The following TLN2 variants were observed in gnomAD, a reference collection of about 807,000 sequenced individuals.
TLN2 encodes the protein talin-2.
In TLN2, 118 loss-of-function variants were observed where a neutral mutation model predicts 294.7. That is an observed-to-expected ratio of 0.40 (90% CI 0.34 to 0.47). The LOEUF (loss-of-function observed/expected upper bound fraction) is 0.47. TLN2 is among the 20% of genes least tolerant of loss of function. The pLI is 0.84. For missense variants in TLN2, 3,083 were observed against 3,282.2 expected, an observed-to-expected ratio of 0.94 and a Z score of 1.48; for synonymous variants, 1,431 against 1,304.5, an observed-to-expected ratio of 1.10 and a Z score of -2.09.
chr15:62,555,715 C>A (rs2042565267), intron 1 of TLN2, among the ~76,000 whole-genome samples: 2 of 152,082 alleles, frequency 1.3e-5, no homozygotes, highest in South Asian at 4.1e-4. Context: ...TTTTACTTTT[C>A]CCGGTATAAT....
At chr15:62,445,746 C>G (rs985829226) in intron 1 of TLN2, among the ~76,000 whole-genome samples, 1 of 152,032 alleles carries the variant, frequency 6.6e-6, no homozygotes, top group African/African-American at 2.4e-5. Context: ...TCACTGCACC[C>G]TCGACTTCCT....
intron 19 of TLN2, among the ~76,000 whole-genome samples, chr15:62,703,619 ACACGCGCG>A (rs1214788035): frequency 9.4e-6 from 1 of 106,890 alleles, no homozygotes; most frequent in Non-Finnish European, 2.0e-5. Flanking sequence ...ACACACACAC[ACACGCGCG>A]CACACACACA....
chr15:62,664,238 AAT>A (rs2054260107), intron 9 of TLN2, among the ~76,000 whole-genome samples: 1 of 151,946 alleles, frequency 6.6e-6, no homozygotes, highest in Non-Finnish European at 1.5e-5. Flanking sequence ...AGAAAAAAAA[AAT>A]CTAAGAAAAA....
intron 1 of TLN2, among the ~76,000 whole-genome samples, chr15:62,449,227 T>C (rs1170913173): frequency 6.6e-6 from 1 of 152,120 alleles, no homozygotes; most frequent in East Asian, 1.9e-4. Context: ...GTGAGTGGTA[T>C]GGGGAGGGGT....
At chr15:62,650,418 G>A (rs1421808353) in intron 5 of TLN2, among the ~76,000 whole-genome samples, 3 of 152,148 alleles carry the variant, frequency 2.0e-5, no homozygotes, top group Non-Finnish European at 2.9e-5. Context: ...TCTACTTGTC[G>A]TTGTTGGATT....
At chr15:62,775,436 C>G (rs1182974968) in intron 42 of TLN2, among the ~76,000 whole-genome samples, 1 of 152,146 alleles carries the variant, frequency 6.6e-6, no homozygotes, top group Non-Finnish European at 1.5e-5. Flanking sequence ...AGCTATCAAC[C>G]CAAATTACCA....
intron 42 of TLN2, among the ~76,000 whole-genome samples, chr15:62,771,508 T>G (rs917536288): frequency 2.0e-5 from 3 of 152,126 alleles, no homozygotes; most frequent in Admixed American, 1.3e-4. Context: ...TTCCTAACAC[T>G]TAAGAGACTG....
intron 1 of TLN2, among the ~76,000 whole-genome samples, chr15:62,584,442 A>C (rs148588195): frequency 6.6e-6 from 1 of 152,342 alleles, no homozygotes; most frequent in African/African-American, 2.4e-5. Context: ...GCAAAAAGGC[A>C]ACGTAGCATA....
intron 9 of TLN2, among the ~76,000 whole-genome samples, chr15:62,669,086 T>G (rs1011558941): frequency 2.0e-5 from 3 of 152,248 alleles, no homozygotes; most frequent in African/African-American, 7.2e-5. Flanking sequence ...TGAAGGAATT[T>G]AAAGACAACC....
At chr15:62,720,048 G>T (rs981122505) in intron 25 of TLN2, among the ~76,000 whole-genome samples, 168 bp downstream of exon 25, 2 of 152,256 alleles carry the variant, frequency 1.3e-5, no homozygotes, top group African/African-American at 2.4e-5. Flanking sequence ...GGTGGGTTCA[G>T]CTTGGCAAAG....
intron 1 of TLN2, among the ~76,000 whole-genome samples, chr15:62,534,453 G>C (rs956136650): frequency 5.3e-5 from 8 of 152,142 alleles, no homozygotes; most frequent in Non-Finnish European, 8.8e-5. Flanking sequence ...AATATGCATA[G>C]GGTGAAGTAT....
chr15:62,662,949 G>A (rs1446626382), intron 9 of TLN2, among the ~76,000 whole-genome samples: 2 of 150,090 alleles, frequency 1.3e-5, no homozygotes, highest in South Asian at 2.1e-4. Context: ...TCAGTCTCCC[G>A]AGTAACTGGG....
chr15:62,549,710 C>T (rs973040503), intron 1 of TLN2, among the ~76,000 whole-genome samples: 3 of 152,062 alleles, frequency 2.0e-5, no homozygotes, highest in Non-Finnish European at 4.4e-5. Flanking sequence ...TTCTCTCAAC[C>T]GGAGGTGTCA....
At chr15:62,508,968 G>A (rs2039783570) in intron 1 of TLN2, among the ~76,000 whole-genome samples, 1 of 152,206 alleles carries the variant, frequency 6.6e-6, no homozygotes, top group Admixed American at 6.5e-5. Context: ...CTATAAGCCA[G>A]CCTGTAATCT....
intron 1 of TLN2, among the ~76,000 whole-genome samples, chr15:62,571,177 G>A (rs897495897): frequency 2.6e-5 from 4 of 152,174 alleles, no homozygotes; most frequent in African/African-American, 9.7e-5. Context: ...TTGCACTGAG[G>A]GTGCTCGGGA....
At chr15:62,427,058 A>T (rs373425652) in intron 1 of TLN2, among the ~76,000 whole-genome samples, 17 of 152,314 alleles carry the variant, frequency 1.1e-4, no homozygotes, top group African/African-American at 4.1e-4. Context: ...AAGCAGGGCC[A>T]GCAGAGTGTT....
At chr15:62,809,836 C>G in intron 51 of TLN2, 89 bp from the exon 52 acceptor site, 1 of 1,270,192 alleles carries the variant, frequency 7.9e-7, no homozygotes, top group Middle Eastern at 1.8e-4. Context: ...TTGAGGTCAC[C>G]AGGGTTAAGG....
At chr15:62,761,930 C>T (rs1038909722) in intron 38 of TLN2, 109 bp downstream of exon 38, 5 of 1,410,366 alleles carry the variant, frequency 3.5e-6, no homozygotes, top group Middle Eastern at 1.8e-4. Flanking sequence ...AACATGTAGG[C>T]TACTGTTACT....
At chr15:62,508,127 T>C (rs1035943657) in intron 1 of TLN2, among the ~76,000 whole-genome samples, 19 of 152,176 alleles carry the variant, frequency 1.2e-4, no homozygotes, top group African/African-American at 4.6e-4. Flanking sequence ...GAAGATACCA[T>C]TTAATCGTGG....
Sources: gnomAD v4.1 joint callset for allele counts (sites outside exome capture counted in the v4.1 genomes callset) on GRCh38, gnomAD v4.1.1 for gene constraint, MANE v1.5 for transcripts, NCBI Gene and HGNC (gene_info 2026-07-23, HGNC 2026-07-21) for gene names.